Variants in ARHGEF6 observed in about 807,000 individuals in gnomAD.
ARHGEF6 encodes rho guanine nucleotide exchange factor 6.
A neutral mutation model predicts 70.3 loss-of-function variants in ARHGEF6; 9 were observed. The ratio of observed to expected loss-of-function variants is 0.13; its 90% CI spans 0.08 to 0.22. The LOEUF is 0.22. Among genes scored for constraint, ARHGEF6 ranks in the 10% least tolerant of loss-of-function variants. ARHGEF6 has a pLI of 1.00. For missense variants in ARHGEF6, 470 were observed against 563.0 expected (o/e 0.83, Z 1.67); for synonymous variants, 201 against 207.8 (o/e 0.97, Z 0.28).
At chrX:136,726,194 A>G (rs2076850630) in intron 6 of ARHGEF6, among the ~76,000 whole-genome samples, 1 of 111,734 alleles carries the variant, frequency 8.9e-6, no homozygotes, top group Non-Finnish European at 1.9e-5. Context: ...GCAATATATT[A>G]TAATATTTAT....
intron 9 of ARHGEF6, among the ~76,000 whole-genome samples, chrX:136,695,517 T>C (rs980144654): frequency 8.9e-6 from 1 of 112,494 alleles, no homozygotes; most frequent in East Asian, 2.8e-4. Flanking sequence ...TTTTAACACA[T>C]AGAGTTACAA....
At chrX:136,736,492 A>G (rs746448671) in intron 5 of ARHGEF6, among the ~76,000 whole-genome samples, 9 of 111,541 alleles carry the variant, frequency 8.1e-5, no homozygotes, top group Admixed American at 1.9e-4. Context: ...GTAGGCAAGC[A>G]GAATTGGTGA....
chrX:136,679,759 G>A, intron 15 of ARHGEF6, 99 bp from the exon 16 acceptor site: 1 of 1,059,513 alleles, frequency 9.4e-7, no homozygotes, highest in Non-Finnish European at 1.3e-6. Context: ...GATTAGCAAA[G>A]ACAGCCATAG....
At position 136,677,961 on chromosome X, in the gene ARHGEF6, A is replaced by G. The variant is rs2076296645; in HGVS notation, c.1831-5T>C. ...CTTTAAGATATAAGACATCCTCTAA[A>G]ATGAATATGTAAAGAAAGAGAAGAT... On this transcript the variant is annotated splice_polypyrimidine_tract_variant and splice_region_variant and intron_variant, in intron 16 of 21. Transcript: ENST00000250617. 1 of 1,201,395 alleles carries G rather than the reference A, an allele frequency of 8.3e-7. No homozygotes were observed. Among genetic ancestry groups the G allele is most frequent in the Admixed American group, 2.2e-5 (1 of 45,747 alleles).
At chrX:136,750,092 T>C (rs1190529866) in intron 2 of ARHGEF6, among the ~76,000 whole-genome samples, 1 of 111,357 alleles carries the variant, frequency 9.0e-6, no homozygotes, top group East Asian at 2.8e-4. Context: ...GATGTTGATG[T>C]GGAGAAAGAC....
chrX:136,726,506 T>C (rs770009615), intron 6 of ARHGEF6, among the ~76,000 whole-genome samples: 10 of 111,360 alleles, frequency 9.0e-5, no homozygotes, highest in Non-Finnish European at 1.3e-4. Flanking sequence ...ACTAGAAAGG[T>C]AGAAAAATCC....
intron 6 of ARHGEF6, among the ~76,000 whole-genome samples, chrX:136,720,295 G>C (rs748259441): frequency 7.2e-5 from 8 of 111,773 alleles, no homozygotes; most frequent in Non-Finnish European, 1.1e-4. Flanking sequence ...ACACAGCCAA[G>C]TGTGATTTAA....
chrX:136,701,702 CTTTTTT>C lies in ARHGEF6; in HGVS notation c.1046+5200_1046+5205del, dbSNP rs762628006. 1.2e-4 allele frequency among the ~76,000 whole-genome samples: 8 copies of C among 68,208 alleles called. No homozygotes were observed. The East Asian group carries it at 1.4e-3, about 12-fold the overall frequency. The allele number at this position is 68,208 out of a possible 115,157, so 59.2% of individuals were successfully genotyped here. On this transcript the variant is annotated intron_variant, in intron 9 of 21. Transcript: ENST00000250617. The stretch of plus-strand genomic sequence containing the variant: ...AGGTAAAACAAAATATTTCATTTTT[CTTTTTT>C]TTTTTTTTTTTTTTTTTGAGATGGA...
chrX:136,748,409 A>T (rs1005936941), intron 2 of ARHGEF6, among the ~76,000 whole-genome samples: 1 of 112,696 alleles, frequency 8.9e-6, no homozygotes, highest in African/African-American at 3.2e-5. Context: ...CCCAGTGAAG[A>T]TACCAATCAG....
intron 5 of ARHGEF6, among the ~76,000 whole-genome samples, chrX:136,736,474 A>G (rs760682508): frequency 2.7e-5 from 3 of 111,605 alleles, no homozygotes; most frequent in African/African-American, 9.8e-5. Flanking sequence ...GTAATAGGAA[A>G]TCCAGAGGTA....
chrX:136,770,736 C>G, intron 2 of ARHGEF6, among the ~76,000 whole-genome samples: 1 of 112,940 alleles, frequency 8.9e-6, no homozygotes, highest in African/African-American at 3.2e-5. Context: ...TGGCTCACAC[C>G]TGTAATCCCA....
chrX:136,758,031 CTTTTTTTTTTTTTTTTTTTTTT>C (rs1164537601), intron 2 of ARHGEF6, among the ~76,000 whole-genome samples: 3 of 14,032 alleles, frequency 2.1e-4, no homozygotes, highest in African/African-American at 2.9e-4. Context: ...AAAATAAATT[CTTTTTTTTTTTTTTTTTTTTTT>C]TTTTTTTTTT....
At chrX:136,690,132 A>G (rs2076443818) in intron 10 of ARHGEF6, among the ~76,000 whole-genome samples, 1 of 112,112 alleles carries the variant, frequency 8.9e-6, no homozygotes, top group South Asian at 3.7e-4. Flanking sequence ...ACTGTTATCC[A>G]GAGTCAGGAA....
intron 11 of ARHGEF6, among the ~76,000 whole-genome samples, chrX:136,686,117 G>A (rs1273049090): frequency 8.9e-6 from 1 of 112,437 alleles, no homozygotes; most frequent in African/African-American, 3.2e-5. Flanking sequence ...ATATGGGAAA[G>A]CAAGCAGCCA....
intron 7 of ARHGEF6, among the ~76,000 whole-genome samples, chrX:136,709,206 A>G (rs1298366622): frequency 8.9e-6 from 1 of 112,239 alleles, no homozygotes; most frequent in East Asian, 2.8e-4. Context: ...CTAAACTAAA[A>G]TGCTCATACA....
chrX:136,776,181 A>G (rs1201308395), intron 2 of ARHGEF6, among the ~76,000 whole-genome samples: 4 of 111,968 alleles, frequency 3.6e-5, no homozygotes, highest in African/African-American at 1.3e-4. Flanking sequence ...ACAGAACTAG[A>G]AAAAACAATC....
intron 20 of ARHGEF6, 122 bp downstream of exon 20, chrX:136,671,898 G>T: frequency 3.4e-6 from 2 of 587,311 alleles, no homozygotes; most frequent in Non-Finnish European, 6.0e-6. Flanking sequence ...AGCAAAGCAG[G>T]CCGCATTCCC....
At chrX:136,709,041 T>C (rs763736222) in intron 7 of ARHGEF6, among the ~76,000 whole-genome samples, 2 of 112,173 alleles carry the variant, frequency 1.8e-5, no homozygotes, top group Non-Finnish European at 3.8e-5. Flanking sequence ...AAGTGCTTAA[T>C]ACTGAAGTAT....
At chrX:136,704,233 G>A (rs1465316390) in intron 9 of ARHGEF6, among the ~76,000 whole-genome samples, 1 of 112,131 alleles carries the variant, frequency 8.9e-6, no homozygotes, top group Non-Finnish European at 1.9e-5. Context: ...GTTTTTAGAG[G>A]GGAGTAATAA....
Sources: gnomAD v4.1 joint callset for allele counts (sites outside exome capture counted in the v4.1 genomes callset) on GRCh38, gnomAD v4.1.1 for gene constraint, MANE v1.5 for transcripts, NCBI Gene and HGNC (gene_info 2026-07-23, HGNC 2026-07-21) for gene names.